Variants in FOCAD observed in about 807,000 individuals in gnomAD.
FOCAD encodes the protein KIAA1797.
FOCAD carries 198 observed loss-of-function variants against 225.6 expected under a neutral mutation model. The observed-to-expected ratio is 0.88, with a 90% CI of 0.78 to 0.99. The LOEUF (loss-of-function observed/expected upper bound fraction) is 0.99, where lower values mean the gene tolerates loss of function less well. Ranked by LOEUF, FOCAD falls within the 50% of genes least tolerant of loss-of-function variation. The pLI is 0.00. For missense variants in FOCAD, 2,713 were observed against 2,123.6 expected (o/e 1.28, Z -5.46); for synonymous variants, 897 against 755.0 (o/e 1.19, Z -3.08).
At chr9:20,754,124 C>G (rs1020408766) in intron 5 of FOCAD, among the ~76,000 whole-genome samples, 3 of 152,020 alleles carry the variant, frequency 2.0e-5, no homozygotes, top group African/African-American at 7.2e-5. Context: ...CTTGACCTTT[C>G]TCAGTTGGAT....
chr9:20,946,736 A>G lies in FOCAD; in HGVS notation c.3591A>G (p.Ser1197=). Residue 1197 remains serine (S), a synonymous_variant, in exon 30 of 44, where the codon TCA becomes TCG. Transcript: ENST00000338382. ...ACACACTTAGCTGTGTATGTACATC[A>G]GCGTTCAGTGCTGGAATTATTGAGG... The part of the protein sequence containing the change: ...LAYTLSCVCT[S]AFSAGIIEAT... 6.2e-7 allele frequency: 1 copy of G among 1,613,772 alleles called. No homozygotes were observed. Among genetic ancestry groups the G allele is most frequent in the South Asian group, 1.1e-5 (1 of 91,074 alleles).
intron 9 of FOCAD, among the ~76,000 whole-genome samples, chr9:20,779,536 C>G (rs1429858527): frequency 6.6e-6 from 1 of 152,140 alleles, no homozygotes; most frequent in African/African-American, 2.4e-5. Context: ...CACCTGAGGT[C>G]AGGAGTTCGA....
intron 7 of FOCAD, 95 bp downstream of exon 7, chr9:20,765,168 C>G (rs999269847): frequency 9.3e-5 from 96 of 1,036,040 alleles, no homozygotes; most frequent in Non-Finnish European, 1.2e-4. Context: ...AGTGATTTGG[C>G]AAACTCAGAC....
intron 23 of FOCAD, among the ~76,000 whole-genome samples, chr9:20,914,948 G>T (rs1432432731): frequency 1.3e-5 from 2 of 152,128 alleles, no homozygotes; most frequent in Admixed American, 6.6e-5. Flanking sequence ...GATATCATAC[G>T]TTATAAATGC....
intron 1 of FOCAD, among the ~76,000 whole-genome samples, chr9:20,699,606 C>T (rs1173699855): frequency 2.1e-4 from 32 of 149,914 alleles, no homozygotes; most frequent in South Asian, 4.2e-4. Flanking sequence ...GGCATGGTGG[C>T]GGGCGCCTGT....
chr9:20,896,092 A>C (rs929685279), intron 21 of FOCAD, among the ~76,000 whole-genome samples: 14 of 151,870 alleles, frequency 9.2e-5, no homozygotes, highest in African/African-American at 3.1e-4. Flanking sequence ...GATTTTGTCA[A>C]ATGCTTTTTC....
chr9:20,764,739 A>G, intron 6 of FOCAD, 130 bp from the exon 7 acceptor site: 2 of 738,474 alleles, frequency 2.7e-6, no homozygotes, highest in Non-Finnish European at 4.5e-6. Flanking sequence ...TAGAAGAATC[A>G]TAAAAAGAAG....
At chr9:20,747,726 A>G (rs896765491) in intron 5 of FOCAD, among the ~76,000 whole-genome samples, 3 of 151,862 alleles carry the variant, frequency 2.0e-5, no homozygotes, top group East Asian at 1.9e-4. Flanking sequence ...ATGTTGTAGC[A>G]TGCATCCATA....
intron 15 of FOCAD, among the ~76,000 whole-genome samples, chr9:20,848,817 A>T (rs1827372140): frequency 6.6e-6 from 1 of 151,882 alleles, no homozygotes; most frequent in Non-Finnish European, 1.5e-5. Flanking sequence ...ACATGGCTGT[A>T]CTGTAGTTTA....
At chr9:20,914,922 A>G (rs1026453985) in intron 23 of FOCAD, among the ~76,000 whole-genome samples, 7 of 152,320 alleles carry the variant, frequency 4.6e-5, no homozygotes, top group Non-Finnish European at 4.4e-5. Flanking sequence ...ATTGATTTTG[A>G]ATCTATTTTA....
chr9:20,798,580 A>G (rs1411155045), intron 11 of FOCAD, among the ~76,000 whole-genome samples: 3 of 151,644 alleles, frequency 2.0e-5, no homozygotes, highest in Non-Finnish European at 2.9e-5. Flanking sequence ...TCTTGGGAGG[A>G]TGTATGTGTC....
chr9:20,867,313 T>G (rs900384441), intron 18 of FOCAD, among the ~76,000 whole-genome samples: 6 of 152,008 alleles, frequency 3.9e-5, no homozygotes, highest in Non-Finnish European at 7.4e-5. Context: ...CATCCTGGAC[T>G]TTAATCCAAG....
intron 8 of FOCAD, among the ~76,000 whole-genome samples, chr9:20,776,135 T>C (rs1818733092): frequency 1.3e-5 from 2 of 152,176 alleles, no homozygotes; most frequent in South Asian, 4.1e-4. Flanking sequence ...TACTAGTTGC[T>C]TGATCCCACA....
chr9:20,748,173 G>T (rs1392518752), intron 5 of FOCAD, among the ~76,000 whole-genome samples: 1 of 151,840 alleles, frequency 6.6e-6, no homozygotes, highest in Non-Finnish European at 1.5e-5. Flanking sequence ...CTGCCATAAG[G>T]GATTGAAACC....
intron 29 of FOCAD, among the ~76,000 whole-genome samples, chr9:20,945,766 G>GT (rs926924717): frequency 1.4e-4 from 21 of 151,384 alleles, no homozygotes; most frequent in African/African-American, 2.9e-4. Flanking sequence ...TAAGCAAGCA[G>GT]TTTTTTTTTC....
intron 4 of FOCAD, among the ~76,000 whole-genome samples, chr9:20,723,325 T>TA (rs2131562906): frequency 6.6e-6 from 1 of 152,264 alleles, no homozygotes; most frequent in Non-Finnish European, 1.5e-5. Context: ...CTGTCTCTAC[T>TA]AAAAATACAA....
At chr9:20,843,466 T>G (rs867162863) in intron 15 of FOCAD, among the ~76,000 whole-genome samples, 53 of 152,258 alleles carry the variant, frequency 3.5e-4, no homozygotes, top group Middle Eastern at 3.4e-3. Context: ...GAGAGTCTGC[T>G]GCTAGACTTA....
At chr9:20,953,778 G>C (rs982731874) in intron 35 of FOCAD, among the ~76,000 whole-genome samples, 1 of 152,116 alleles carries the variant, frequency 6.6e-6, no homozygotes, top group Non-Finnish European at 1.5e-5. Context: ...TCATTGATGG[G>C]TTTGCTAATT....
intron 35 of FOCAD, among the ~76,000 whole-genome samples, chr9:20,970,087 C>T (rs1199425126): frequency 6.6e-6 from 1 of 151,686 alleles, no homozygotes; most frequent in Admixed American, 6.6e-5. Flanking sequence ...ATTGGGAATC[C>T]CTTGTATGTG....
Sources: allele counts gnomAD v4.1 joint callset (sites outside exome capture counted in the v4.1 genomes callset), GRCh38; gene constraint gnomAD v4.1.1; transcripts MANE v1.5; gene names NCBI Gene and HGNC (gene_info 2026-07-23, HGNC 2026-07-21).